The following MAP4 variants were observed in gnomAD, a reference collection of about 807,000 sequenced individuals.
MAP4 encodes microtubule-associated protein 4.
Under a neutral mutation model 170.2 loss-of-function variants are expected in MAP4, and 76 were observed. That is an observed-to-expected ratio of 0.45 (90% confidence interval 0.37 to 0.54). The LOEUF (loss-of-function observed/expected upper bound fraction) is 0.54, where lower values mean the gene tolerates loss of function less well. Ranked by LOEUF, MAP4 falls within the 20% of genes least tolerant of loss-of-function variation. The probability of loss-of-function intolerance (pLI) is 0.00; values close to 1 mark genes in which losing one functional copy is unlikely to be tolerated. For synonymous variants in MAP4, 909 were observed against 994.5 expected (o/e 0.91, Z 1.62); for missense variants, 2,506 against 2,748.0 (o/e 0.91, Z 1.97).
At chr3:47,989,955 T>G (rs965318620) in intron 2 of MAP4, among the ~76,000 whole-genome samples, 3 of 152,104 alleles carry the variant, frequency 2.0e-5, no homozygotes, top group African/African-American at 7.3e-5. Context: ...ATATTCAAAT[T>G]TACTTTATTT....
intron 3 of MAP4, among the ~76,000 whole-genome samples, chr3:47,965,589 C>A (rs1350841698): frequency 2.0e-5 from 3 of 152,164 alleles, no homozygotes; most frequent in African/African-American, 7.2e-5. Context: ...TTCATACTAG[C>A]CATCCTAATG....
intron 17 of MAP4, among the ~76,000 whole-genome samples, chr3:47,858,635 T>C (rs1204719503): frequency 1.3e-5 from 2 of 151,382 alleles, no homozygotes; most frequent in Non-Finnish European, 2.9e-5. Flanking sequence ...TGTGTGTGTG[T>C]GTGTGTGTGT....
intron 1 of MAP4, among the ~76,000 whole-genome samples, chr3:48,060,446 A>G (rs2100134566): frequency 2.0e-5 from 3 of 152,218 alleles, no homozygotes; most frequent in Admixed American, 2.0e-4. Context: ...GGGTTTGGCA[A>G]TGACTTCTTA....
intron 10 of MAP4, chr3:47,891,652 A>C: frequency 6.5e-7 from 1 of 1,535,850 alleles, no homozygotes; most frequent in Non-Finnish European, 8.7e-7. Flanking sequence ...CCTCGGTAGA[A>C]CTCAATTTCT....
chr3:48,004,974 A>G (rs1323667070), intron 1 of MAP4, among the ~76,000 whole-genome samples: 1 of 152,110 alleles, frequency 6.6e-6, no homozygotes, highest in African/African-American at 2.4e-5. Context: ...TACCTGCAAC[A>G]CCCATTTGCT....
intron 3 of MAP4, among the ~76,000 whole-genome samples, chr3:47,954,068 G>A (rs2154125117): frequency 6.6e-6 from 1 of 151,570 alleles, no homozygotes; most frequent in South Asian, 2.1e-4. Flanking sequence ...ATTAGTGAGG[G>A]GATCACCTTC....
chr3:47,963,540 A>G (rs1195784582), intron 3 of MAP4, among the ~76,000 whole-genome samples: 1 of 152,246 alleles, frequency 6.6e-6, no homozygotes, highest in Non-Finnish European at 1.5e-5. Flanking sequence ...ATTTCCAGAA[A>G]GATGCGTACC....
chr3:47,992,250 C>G (rs571978773), intron 2 of MAP4, among the ~76,000 whole-genome samples: 2 of 152,104 alleles, frequency 1.3e-5, no homozygotes, highest in African/African-American at 2.4e-5. Context: ...TCATAAAGAA[C>G]TCACTAATTG....
chr3:47,905,085 G>A (rs1216086003), intron 9 of MAP4, among the ~76,000 whole-genome samples: 2 of 152,158 alleles, frequency 1.3e-5, no homozygotes, highest in East Asian at 3.8e-4. Context: ...TGGGGGCAGG[G>A]CAGTTAACAT....
intron 1 of MAP4, among the ~76,000 whole-genome samples, chr3:48,086,471 T>A (rs1425420606): frequency 6.6e-6 from 1 of 152,016 alleles, no homozygotes; most frequent in Non-Finnish European, 1.5e-5. Context: ...AAACCCCGTC[T>A]CTACTAAAAA....
chr3:48,085,833 G>A (rs908916392), intron 1 of MAP4, among the ~76,000 whole-genome samples: 1 of 152,014 alleles, frequency 6.6e-6, no homozygotes, highest in Non-Finnish European at 1.5e-5. Context: ...GAGGCAGGCG[G>A]AACACGAGGT....
intron 1 of MAP4, among the ~76,000 whole-genome samples, chr3:48,055,403 G>C (rs898986715): frequency 2.0e-5 from 3 of 152,012 alleles, no homozygotes; most frequent in Non-Finnish European, 4.4e-5. Flanking sequence ...ACGGGGTTTC[G>C]CTGTGTTGGC....
intron 2 of MAP4, among the ~76,000 whole-genome samples, chr3:47,981,386 C>A (rs1441274587): frequency 6.6e-6 from 1 of 151,534 alleles, no homozygotes; most frequent in Non-Finnish European, 1.5e-5. Flanking sequence ...GTGACCCCAT[C>A]TCTAAAAATA....
In MAP4 at chr3:48,074,725, T is replaced by TGTGTGTGA. The variant is rs756153345; in HGVS notation, c.-20+14047_-20+14048insTCACACAC. ...GTGTGTGTGTGTGTGTGTGTGTGTG[T>TGTGTGTGA]GATATGTCGGCCAGACTGGTCTCGA... On this transcript the variant is annotated intron_variant, in intron 1 of 18. Transcript: ENST00000360240. Among the ~76,000 whole-genome samples, 144 of 147,400 alleles carry TGTGTGTGA rather than the reference T, an allele frequency of 9.8e-4. 1 individual carries two copies. The highest frequency in any genetic ancestry group is 2.0e-3 in the African/African-American group (79 of 39,330).
chr3:47,962,614 T>C (rs1237253842), intron 3 of MAP4, among the ~76,000 whole-genome samples: 1 of 152,198 alleles, frequency 6.6e-6, no homozygotes, highest in Non-Finnish European at 1.5e-5. Flanking sequence ...TTCTGTCTCC[T>C]GAATAGACTC....
chr3:47,873,036 C>T (rs1026303763), intron 12 of MAP4, among the ~76,000 whole-genome samples: 1 of 152,156 alleles, frequency 6.6e-6, no homozygotes, highest in Non-Finnish European at 1.5e-5. Flanking sequence ...AGCTTTATTT[C>T]CTCATCGGGA....
Position 47,916,778 on chromosome 3 carries a change from A to C in MAP4, c.1049T>G (p.Leu350Arg). Reference protein sequence around the residue: ...TEVAPAKDVTLLKETERASPI... With the variant: ...TEVAPAKDVTRLKETERASPI... ...AGATGCCCTCTCTGTTTCTTTCAACAGTGTCACATCCTTGGCTGGGGCTAC... is the reference window on the plus strand; with the variant it reads ...AGATGCCCTCTCTGTTTCTTTCAACCGTGTCACATCCTTGGCTGGGGCTAC... Residue 350 changes from leucine (L) to arginine (R), a missense_variant, in exon 7 of 21, where the codon CTG (leucine) becomes CGG (arginine). This residue lies in a region of MAP4 where 2,008 missense variants were observed against 2,206.0 expected (regional missense o/e 0.91). Transcript: ENST00000683076. 1 of 1,614,080 alleles carries C rather than the reference A, an allele frequency of 6.2e-7. No homozygotes were observed. The highest frequency in any genetic ancestry group is 8.5e-7 in the Non-Finnish European group (1 of 1,180,004).
chr3:47,978,301 C>T (rs2100083373), intron 2 of MAP4, among the ~76,000 whole-genome samples: 1 of 152,058 alleles, frequency 6.6e-6, no homozygotes, highest in African/African-American at 2.4e-5. Context: ...TCCAAGAACA[C>T]GAGGGCATTT....
At position 47,852,917 on chromosome 3, in the gene MAP4, A is replaced by G. The variant is rs1259950224; in HGVS notation, c.*17T>C. On this transcript the variant is annotated 3_prime_UTR_variant, in exon 21 of 21. Coordinates refer to ENST00000683076, the MANE Select transcript of MAP4 (RefSeq NM_001385682.1). ...GTGCGGGCCCTGGCATTTGCCCGGA[A>G]CGTCAGCCTGTAGGTCTCAATCTGC... is the stretch of plus-strand genomic sequence containing the variant. The G allele has an allele frequency of 1.9e-6, 3 of 1,611,164 alleles. No individual in the cohort carries two copies. The highest frequency in any genetic ancestry group is 2.7e-5 in the African/African-American group (2 of 74,860).
Sources: allele counts gnomAD v4.1 joint callset (sites outside exome capture counted in the v4.1 genomes callset), GRCh38; gene constraint gnomAD v4.1.1; regional missense constraint gnomAD v4.1.1; transcripts MANE v1.5; gene names NCBI Gene and HGNC (gene_info 2026-07-23, HGNC 2026-07-21).